Variants in MCTP1 observed in about 807,000 individuals in gnomAD.
MCTP1 encodes the protein multiple C2 and transmembrane domain-containing protein 1.
In MCTP1, 69 loss-of-function variants were observed where a neutral mutation model predicts 120.6. The ratio of observed to expected loss-of-function variants is 0.57; its 90% CI spans 0.47 to 0.70. The LOEUF (loss-of-function observed/expected upper bound fraction) is 0.70. Ranked by LOEUF, MCTP1 falls within the 30% of genes least tolerant of loss-of-function variation. The pLI, the probability that MCTP1 is intolerant of heterozygous loss-of-function variation, is 0.00. For synonymous variants in MCTP1, 529 were observed against 493.1 expected (o/e 1.07, Z -0.96); for missense variants, 1,203 against 1,248.8 (o/e 0.96, Z 0.55).
At chr5:95,071,596 T>C (rs1479448440) in intron 1 of MCTP1, among the ~76,000 whole-genome samples, 3 of 152,204 alleles carry the variant, frequency 2.0e-5, no homozygotes, top group Non-Finnish European at 4.4e-5. Context: ...TAACAAACAT[T>C]GTGTCCATTT....
intron 1 of MCTP1, among the ~76,000 whole-genome samples, chr5:95,238,271 T>C (rs1376435757): frequency 6.6e-6 from 1 of 152,172 alleles, no homozygotes; most frequent in Admixed American, 6.5e-5. Flanking sequence ...CATCTGTCTT[T>C]GGATTGGTAT....
intron 7 of MCTP1, among the ~76,000 whole-genome samples, chr5:94,918,589 T>C (rs1184937080): frequency 2.6e-5 from 4 of 152,148 alleles, no homozygotes; most frequent in Admixed American, 2.6e-4. Flanking sequence ...AAGAAAGATA[T>C]AGCTGAACAG....
intron 7 of MCTP1, among the ~76,000 whole-genome samples, chr5:94,922,494 C>A (rs1023929068): frequency 6.6e-6 from 1 of 150,892 alleles, no homozygotes; most frequent in African/African-American, 2.4e-5. Context: ...ATATTCCCCC[C>A]CTTTTTTTTT....
intron 1 of MCTP1, among the ~76,000 whole-genome samples, chr5:95,176,288 G>C (rs1212566971): frequency 6.6e-6 from 1 of 152,170 alleles, no homozygotes; most frequent in African/African-American, 2.4e-5. Context: ...ACTTTGGGAG[G>C]CAAAGGTGGG....
chr5:95,027,092 T>C (rs947355674), intron 1 of MCTP1, among the ~76,000 whole-genome samples: 1 of 152,084 alleles, frequency 6.6e-6, no homozygotes, highest in Non-Finnish European at 1.5e-5. Context: ...ATATTCAAAG[T>C]TCAATGAAGC....
intron 1 of MCTP1, among the ~76,000 whole-genome samples, chr5:95,195,728 A>C (rs943160041): frequency 1.1e-4 from 16 of 152,218 alleles, no homozygotes; most frequent in African/African-American, 3.6e-4. Context: ...GACCGAGCTG[A>C]GATGTAAACA....
At chr5:94,875,119 G>A (rs902196255) in intron 12 of MCTP1, among the ~76,000 whole-genome samples, 1 of 152,140 alleles carries the variant, frequency 6.6e-6, no homozygotes, top group African/African-American at 2.4e-5. Flanking sequence ...ACATTTTATA[G>A]TATCTTAGAA....
At chr5:95,038,723 G>A (rs1841792375) in intron 1 of MCTP1, among the ~76,000 whole-genome samples, 1 of 152,198 alleles carries the variant, frequency 6.6e-6, no homozygotes, top group Non-Finnish European at 1.5e-5. Flanking sequence ...TTTATGCAGT[G>A]TTTACGTTTA....
At chr5:94,764,880 C>T (rs1369024587) in intron 19 of MCTP1, among the ~76,000 whole-genome samples, 1 of 148,846 alleles carries the variant, frequency 6.7e-6, no homozygotes, top group Non-Finnish European at 1.5e-5. Flanking sequence ...TTAAACCACA[C>T]TGTAGACCAA....
intron 1 of MCTP1, among the ~76,000 whole-genome samples, chr5:95,031,040 T>C (rs1840184685): frequency 1.3e-5 from 2 of 151,888 alleles, no homozygotes; most frequent in African/African-American, 4.8e-5. Context: ...AAGAATGAAT[T>C]TCAGAGTTTG....
chr5:95,104,398 G>C (rs1756952209), intron 1 of MCTP1, among the ~76,000 whole-genome samples: 1 of 151,892 alleles, frequency 6.6e-6, no homozygotes, highest in Admixed American at 6.6e-5. Context: ...CATAAAATTT[G>C]AATTTTTGGA....
At chr5:94,972,810 T>A (rs2153579167) in intron 2 of MCTP1, among the ~76,000 whole-genome samples, 1 of 152,216 alleles carries the variant, frequency 6.6e-6, no homozygotes, top group East Asian at 1.9e-4. Flanking sequence ...CAATTTTGTG[T>A]GAGTCCCATT....
rs535901683 is a variant in MCTP1, at chr5:95,195,184, G to A, written c.720+88672C>T. The stretch of plus-strand genomic sequence containing the variant: ...TTCAGAATGATGGATGATGGAGAAC[G>A]GGCTCTTGCTTATGATGTTTCCAGG... On this transcript the variant is annotated intron_variant, in intron 1 of 22. Coordinates refer to ENST00000515393, the MANE Select transcript of MCTP1 (RefSeq NM_024717.7). Among the ~76,000 whole-genome samples the A allele has an allele frequency of 2.0e-5, 3 of 152,276 alleles. No homozygotes were observed. The South Asian group carries it at 6.2e-4, about 32-fold the overall frequency.
At chr5:94,726,484 A>G (rs568548909) in intron 19 of MCTP1, among the ~76,000 whole-genome samples, 2 of 152,340 alleles carry the variant, frequency 1.3e-5, no homozygotes, top group East Asian at 3.9e-4. Context: ...TTACTAGTGC[A>G]GTTTTTAACC....
At position 95,085,905 on chromosome 5, in the gene MCTP1, T is replaced by C. The variant is rs183052285; in HGVS notation, c.721-68421A>G. On this transcript the variant is annotated intron_variant, in intron 1 of 22. Transcript: ENST00000515393. ...TTATTATTGGCCTTTTTTTCTATTG[T>C]GTTATTTGCCTTTTCCTGAGAAATA... 3.0e-3 allele frequency among the ~76,000 whole-genome samples: 457 copies of C among 152,188 alleles called. 3 individuals are homozygous for C. Among genetic ancestry groups the C allele is most frequent in the Middle Eastern group, 6.8e-3 (2 of 294 alleles).
At chr5:94,867,214 G>C in intron 17 of MCTP1, 1 of 1,407,124 alleles carries the variant, frequency 7.1e-7, no homozygotes, top group Non-Finnish European at 9.3e-7. Flanking sequence ...CAGAGAGAGA[G>C]AGATTTTTTT....
intron 12 of MCTP1, among the ~76,000 whole-genome samples, chr5:94,879,125 G>A (rs1195779615): frequency 6.6e-6 from 1 of 152,050 alleles, no homozygotes; most frequent in Non-Finnish European, 1.5e-5. Flanking sequence ...AGTAGAAGAT[G>A]TCAGAGAAGT....
At chr5:94,998,913 T>C (rs1833122715) in intron 2 of MCTP1, among the ~76,000 whole-genome samples, 1 of 152,188 alleles carries the variant, frequency 6.6e-6, no homozygotes, top group South Asian at 2.1e-4. Flanking sequence ...TAAATGCCAC[T>C]GTTTCCTTCC....
At chr5:94,798,203 C>T (rs1780477524) in intron 18 of MCTP1, among the ~76,000 whole-genome samples, 2 of 151,988 alleles carry the variant, frequency 1.3e-5, no homozygotes, top group South Asian at 4.2e-4. Flanking sequence ...TACCAAATTG[C>T]AAATGTCATA....
Sources: allele counts gnomAD v4.1 joint callset (sites outside exome capture counted in the v4.1 genomes callset), GRCh38; gene constraint gnomAD v4.1.1; transcripts MANE v1.5; gene names NCBI Gene and HGNC (gene_info 2026-07-23, HGNC 2026-07-21).